Variants in NIN observed in about 807,000 individuals in gnomAD.
NIN encodes the protein glycogen synthase kinase 3 beta-interacting protein.
In NIN, 137 loss-of-function variants were observed where a neutral mutation model predicts 257.6. That is an observed-to-expected ratio of 0.53 (90% CI 0.46 to 0.61). The LOEUF (loss-of-function observed/expected upper bound fraction) is 0.61, where lower values mean the gene tolerates loss of function less well. Ranked by LOEUF, NIN falls within the 20% of genes least tolerant of loss-of-function variation. NIN has a pLI of 0.00. For synonymous variants in NIN, 918 were observed against 919.8 expected (o/e 1.00, Z 0.04); for missense variants, 2,439 against 2,501.2 (o/e 0.98, Z 0.53).
At chr14:50,790,042 T>C (rs896002621) in intron 5 of NIN, among the ~76,000 whole-genome samples, 5 of 152,068 alleles carry the variant, frequency 3.3e-5, no homozygotes, top group African/African-American at 7.2e-5. Context: ...ACATCGAAAA[T>C]GTCTTGTGTG....
At position 50,760,149 on chromosome 14, in the gene NIN, G is replaced by GT; in HGVS notation, c.2106dup (p.Gln703ThrfsTer7). The GT allele has an allele frequency of 6.2e-7, 1 of 1,614,192 alleles. No individual in the cohort carries two copies. The highest frequency in any genetic ancestry group is 8.5e-7 in the Non-Finnish European group (1 of 1,180,046). On this transcript the variant is annotated frameshift_variant, in exon 17 of 31. Coordinates refer to ENST00000530997, the MANE Select transcript of NIN (RefSeq NM_020921.4). LOFTEE classifies it high-confidence loss of function. ...TCCTCCTCAAGCTTCACTTGCAGTT[G>GT]TTTTTTCTCCTCCTCATGCCTGCAA...
At position 50,752,729 on chromosome 14, in the gene NIN, G is replaced by A; in HGVS notation, c.4739C>T (p.Ser1580Leu). Residue 1580 changes from serine (S) to leucine (L), a missense_variant, in exon 21 of 31, where the codon TCA (serine) becomes TTA (leucine). Ser to Leu is a moderately radical substitution (Grantham distance 145, BLOSUM62 -2). Transcript: ENST00000530997. ...KMVENLKKQISELKIKNQQLD... is the reference protein window; with the variant it reads ...KMVENLKKQILELKIKNQQLD... The stretch of plus-strand genomic sequence containing the variant: ...TTGTTGGTTTTTGATTTTTAATTCT[G>A]AAATCTAATTAAAATTAAAATAAGT... 1.3e-6 allele frequency: 2 copies of A among 1,509,600 alleles called. No homozygotes were observed. The highest frequency in any genetic ancestry group is 1.8e-6 in the Non-Finnish European group (2 of 1,113,606). The allele number at this position is 1,509,600 out of a possible 1,614,324, so 93.5% of individuals were successfully genotyped here. A position where few individuals can be genotyped will look rare whatever the true frequency, so the allele number is the denominator to read the frequency against.
intron 27 of NIN, among the ~76,000 whole-genome samples, chr14:50,736,242 C>A (rs111902567): frequency 0.087 from 13,161 of 152,088 alleles, 764 homozygotes; most frequent in Middle Eastern, 0.14. Context: ...AAGCGATTCA[C>A]CTGCCTCAGC....
At chr14:50,727,159 A>G (rs1259416961) in intron 29 of NIN, 1 of 651,200 alleles carries the variant, frequency 1.5e-6, no homozygotes, top group Non-Finnish European at 1.9e-6. Flanking sequence ...AACAAAGCAA[A>G]ACAAAAAAAA....
intron 2 of NIN, among the ~76,000 whole-genome samples, chr14:50,826,779 A>G (rs1471077016): frequency 6.6e-6 from 1 of 152,222 alleles, no homozygotes; most frequent in Admixed American, 6.5e-5. Flanking sequence ...ACAATGCTAG[A>G]GCCCCTAGCC....
intron 7 of NIN, among the ~76,000 whole-genome samples, chr14:50,775,934 G>C (rs2042906280): frequency 1.3e-5 from 2 of 152,060 alleles, no homozygotes; most frequent in Non-Finnish European, 2.9e-5. Context: ...CAGGAAAGAA[G>C]GGGAAAACAA....
At chr14:50,805,451 C>G (rs980651816) in intron 4 of NIN, among the ~76,000 whole-genome samples, 1 of 152,146 alleles carries the variant, frequency 6.6e-6, no homozygotes, top group African/African-American at 2.4e-5. Context: ...GAGTTAAGAA[C>G]AACATTGCTA....
intron 4 of NIN, among the ~76,000 whole-genome samples, chr14:50,801,813 G>C (rs1345776577): frequency 6.6e-6 from 1 of 152,188 alleles, no homozygotes; most frequent in African/African-American, 2.4e-5. Context: ...CCAAAACAAT[G>C]CCTGGTCCTA....
intron 16 of NIN, among the ~76,000 whole-genome samples, chr14:50,761,273 G>A (rs925172643): frequency 2.0e-5 from 3 of 152,164 alleles, no homozygotes; most frequent in Admixed American, 6.5e-5. Flanking sequence ...GTAGACTTTC[G>A]AGAGGCAGAA....
chr14:50,726,969 C>A (rs976214806), intron 29 of NIN, among the ~76,000 whole-genome samples: 2 of 152,010 alleles, frequency 1.3e-5, no homozygotes, highest in African/African-American at 4.8e-5. Flanking sequence ...AAAAGAAACC[C>A]TAAATCATGT....
chr14:50,754,183 T>A (rs1010250148), intron 20 of NIN, among the ~76,000 whole-genome samples: 1 of 152,236 alleles, frequency 6.6e-6, no homozygotes, highest in East Asian at 1.9e-4. Flanking sequence ...GCATTCTGTA[T>A]ATGTGAAATT....
intron 5 of NIN, among the ~76,000 whole-genome samples, chr14:50,788,843 T>G (rs2043455137): frequency 1.3e-5 from 2 of 152,208 alleles, no homozygotes. Context: ...AACCTAGAGC[T>G]AAAATTAGTC....
At chr14:50,756,168 A>AT (rs1359394783) in intron 18 of NIN, among the ~76,000 whole-genome samples, 3 of 151,658 alleles carry the variant, frequency 2.0e-5, no homozygotes, top group Non-Finnish European at 2.9e-5. Context: ...AAAAAAAAAA[A>AT]ATCCCCTATC....
rs2040246009 is a variant in NIN at position 50,720,281 on chromosome 14, C to T, written c.*3182G>A. ...CATTCAAAACATGACTTGCTTAATA[C>T]TATCACAAAGCACTTAGCCTTGCCT... On this transcript the variant is annotated 3_prime_UTR_variant, in exon 31 of 31. Transcript: ENST00000530997. 1 of 221,710 alleles carries T rather than the reference C, an allele frequency of 4.5e-6. No individual in the cohort carries two copies. The highest frequency in any genetic ancestry group is 1.8e-4 in the South Asian group (1 of 5,436). 13.7% of individuals were successfully genotyped at this position (221,710 alleles called of 1,614,324 possible). A position where few individuals can be genotyped will look rare whatever the true frequency, so the allele number is the denominator to read the frequency against.
At chr14:50,809,584 C>A (rs909449406) in intron 3 of NIN, among the ~76,000 whole-genome samples, 27 of 152,156 alleles carry the variant, frequency 1.8e-4, no homozygotes, top group African/African-American at 6.5e-4. Flanking sequence ...TCCCCAGGGT[C>A]TTCTAAAGGC....
chr14:50,808,591 T>G (rs988626900), intron 3 of NIN, among the ~76,000 whole-genome samples: 1 of 152,178 alleles, frequency 6.6e-6, no homozygotes, highest in Non-Finnish European at 1.5e-5. Context: ...CAACTGATAT[T>G]TATTATTCAT....
At chr14:50,731,981 A>G (rs765841720) in intron 28 of NIN, among the ~76,000 whole-genome samples, 3 of 152,088 alleles carry the variant, frequency 2.0e-5, no homozygotes, top group African/African-American at 4.8e-5. Flanking sequence ...TACACAAGAG[A>G]CTCGAGAACT....
chr14:50,729,519 A>G lies in NIN; in HGVS notation c.6078+4T>C. On this transcript the variant is annotated splice_donor_region_variant and intron_variant, in intron 29 of 30. Coordinates refer to ENST00000530997, the MANE Select transcript of NIN (RefSeq NM_020921.4). ...GATCTACTAGAGTAGAGAGAGCTTC[A>G]TACCTGTGGTGTGTTGGTTTCGGAG... The G allele has an allele frequency of 1.9e-6, 3 of 1,612,464 alleles. No homozygotes were observed. The highest frequency in any genetic ancestry group is 2.5e-6 in the Non-Finnish European group (3 of 1,179,034).
rs74355682 is a variant in NIN at position 50,755,959 on chromosome 14, G to A, written c.4538+533C>T. On this transcript the variant is annotated intron_variant, in intron 18 of 30. Transcript: ENST00000530997. ...TGAGATTGCAGGCATTTAAGCCATG[G>A]TGCCTGACCATTTGCACTGTTTATG... Among the ~76,000 whole-genome samples, 43 of 152,156 alleles carry A rather than the reference G, an allele frequency of 2.8e-4. No individual in the cohort carries two copies. The East Asian group carries it at 8.1e-3, about 29-fold the overall frequency.
Sources: gnomAD v4.1 joint callset for allele counts (sites outside exome capture counted in the v4.1 genomes callset) on GRCh38, gnomAD v4.1.1 for gene constraint, MANE v1.5 for transcripts, NCBI Gene and HGNC (gene_info 2026-07-23, HGNC 2026-07-21) for gene names.